NTN1: variants seen among roughly 807,000 people sequenced by gnomAD.
The protein encoded by NTN1 is netrin 1, also known as netrin-1.
A neutral mutation model predicts 54.2 loss-of-function variants in NTN1; 11 were observed. The ratio of observed to expected loss-of-function variants is 0.20; its 90% CI spans 0.13 to 0.34. The LOEUF (loss-of-function observed/expected upper bound fraction) is 0.34. Among genes scored for constraint, NTN1 ranks in the 10% least tolerant of loss-of-function variants. The pLI is 1.00. For synonymous variants in NTN1, 371 were observed against 382.0 expected (o/e 0.97, Z 0.33); for missense variants, 740 against 893.1 (o/e 0.83, Z 2.18).
rs1186504770 is a variant in NTN1 at position 9,125,971 on chromosome 17, G to A, written c.1019-36842G>A. 2.0e-5 allele frequency among the ~76,000 whole-genome samples: 3 copies of A among 152,346 alleles called. No homozygotes were observed. The East Asian group carries it at 5.8e-4, about 29-fold the overall frequency. On this transcript the variant is annotated intron_variant, in intron 2 of 6. Transcript: ENST00000173229. ...TTACAGATGAGAAACCTGAAGCTGAGGGAGCCTGAGGGACTTGTCAAAGGT... is the reference window on the plus strand; with the variant it reads ...TTACAGATGAGAAACCTGAAGCTGAAGGAGCCTGAGGGACTTGTCAAAGGT...
chr17:9,037,251 A>G (rs2091906339), intron 2 of NTN1, among the ~76,000 whole-genome samples: 1 of 152,106 alleles, frequency 6.6e-6, no homozygotes, highest in Non-Finnish European at 1.5e-5. Flanking sequence ...GCTCAGCCTT[A>G]TTTCCTTGTA....
At chr17:9,086,980 T>A (rs2142229275) in intron 2 of NTN1, among the ~76,000 whole-genome samples, 1 of 152,338 alleles carries the variant, frequency 6.6e-6, no homozygotes, top group East Asian at 1.9e-4. Context: ...CCACCTTCTG[T>A]GTGCCTGGCA....
rs376395289 is a variant in NTN1 at position 9,165,265 on chromosome 17, G to T, written c.1207+2264G>T. ...CCCTGGTCACCTCCACCTACACCCT[G>T]TTGCTGTGGACAGGGACAAGAGCCA... On this transcript the variant is annotated intron_variant, in intron 3 of 6. Coordinates refer to ENST00000173229, the MANE Select transcript of NTN1 (RefSeq NM_004822.3). This position sits in a 1 kb window ranked among gnomAD's most constrained non-coding sequence, Gnocchi z 4.5. Among the ~76,000 whole-genome samples the T allele has an allele frequency of 6.6e-6, 1 of 152,212 alleles. No individual in the cohort carries two copies. The highest frequency in any genetic ancestry group is 1.5e-5 in the Non-Finnish European group (1 of 68,040).
intron 2 of NTN1, among the ~76,000 whole-genome samples, chr17:9,082,221 G>A (rs2092073565): frequency 6.6e-6 from 1 of 152,046 alleles, no homozygotes; most frequent in African/African-American, 2.4e-5. Context: ...CACCACATCC[G>A]GCTAATTTTT....
At position 9,239,604 on chromosome 17, in the gene NTN1, C is replaced by T. The variant is rs2142379395; in HGVS notation, c.1487-36C>T. ...GGCAGGGCGGACCTAGCCACAGCAG[C>T]TGGGAGCCCACCCGTCTGCCTGTGC... On this transcript the variant is annotated intron_variant, in intron 6 of 6. Coordinates refer to ENST00000173229, the MANE Select transcript of NTN1 (RefSeq NM_004822.3). This position sits in a 1 kb window ranked among gnomAD's most constrained non-coding sequence, Gnocchi z 5.2. 5.0e-6 allele frequency: 8 copies of T among 1,589,712 alleles called. No individual in the cohort carries two copies. In the Middle Eastern group the frequency reaches 6.9e-4, roughly 138 times the overall value.
At chr17:9,044,272 C>T (rs1408076795) in intron 2 of NTN1, among the ~76,000 whole-genome samples, 7 of 151,060 alleles carry the variant, frequency 4.6e-5, no homozygotes, top group African/African-American at 1.7e-4. Flanking sequence ...TCTCACTCTG[C>T]GGCCCAGGCT....
intron 2 of NTN1, among the ~76,000 whole-genome samples, chr17:9,043,703 C>T (rs913011648): frequency 1.3e-5 from 2 of 152,050 alleles, no homozygotes; most frequent in African/African-American, 2.4e-5. Flanking sequence ...GCCTCAGCCT[C>T]CTGAGTAGCT....
chr17:9,179,703 T>TCCAGGG, intron 3 of NTN1, 104 bp from the exon 4 acceptor site: 1 of 1,406,152 alleles, frequency 7.1e-7, no homozygotes, highest in Admixed American at 2.3e-5. Flanking sequence ...CTGCTCTTCC[T>TCCAGGG]CCAGGGCAGG....
intron 2 of NTN1, among the ~76,000 whole-genome samples, chr17:9,075,462 C>A (rs2092046248): frequency 6.6e-6 from 1 of 152,100 alleles, no homozygotes. Context: ...AGCTGGGTGA[C>A]AGAGGGAGAC....
intron 2 of NTN1, among the ~76,000 whole-genome samples, chr17:9,033,121 T>G (rs1004201096): frequency 6.6e-6 from 1 of 151,946 alleles, no homozygotes; most frequent in African/African-American, 2.4e-5. Context: ...GCCCAGCTAG[T>G]TTTTATATTT....
At chr17:9,208,115 C>T (rs763505661) in intron 5 of NTN1, among the ~76,000 whole-genome samples, 14 of 152,146 alleles carry the variant, frequency 9.2e-5, no homozygotes, top group Non-Finnish European at 1.8e-4. Context: ...GCCTGTAATC[C>T]CAGCTACTCG....
At chr17:9,101,967 G>C (rs543188578) in intron 2 of NTN1, among the ~76,000 whole-genome samples, 4 of 152,342 alleles carry the variant, frequency 2.6e-5, no homozygotes, top group African/African-American at 7.2e-5. Flanking sequence ...CTGCACGCCA[G>C]CCTGGGCAAC....
In NTN1 at chr17:9,240,000, C is replaced by CGG; in HGVS notation, c.*33_*34insGG. The CGG allele has an allele frequency of 2.4e-6, 3 of 1,272,262 alleles. No homozygotes were observed. The highest frequency in any genetic ancestry group is 2.0e-6 in the Non-Finnish European group (2 of 994,016). The allele number at this position is 1,272,262 out of a possible 1,614,324, so 78.8% of individuals were successfully genotyped here. A position where few individuals can be genotyped will look rare whatever the true frequency, so the allele number is the denominator to read the frequency against. ...GGCAGCGGGCGGGCGGGCGGGCGGG[C>CGG]GCCAGGGCGGGGCCGAGCGAGAGCG... is the stretch of plus-strand genomic sequence containing the variant. On this transcript the variant is annotated 3_prime_UTR_variant, in exon 7 of 7. Transcript: ENST00000173229. This position sits in a 1 kb window ranked among gnomAD's most constrained non-coding sequence, Gnocchi z 5.2.
chr17:9,222,839 G>C (rs1905405519), intron 6 of NTN1, among the ~76,000 whole-genome samples: 1 of 152,160 alleles, frequency 6.6e-6, no homozygotes, highest in South Asian at 2.1e-4. Flanking sequence ...AGGCCCAAAG[G>C]TATCTAAAGG....
Position 9,022,541 on chromosome 17 carries a change from C to G in NTN1, c.168C>G (p.Val56=). The change falls in exon 2 of 7, where the codon GTC becomes GTG. Residue 56 remains valine, a synonymous_variant. Coordinates refer to ENST00000173229, the MANE Select transcript of NTN1 (RefSeq NM_004822.3). The stretch of plus-strand genomic sequence containing the variant: ...CGCGCCGCTGCATCCCGGACTTTGT[C>G]AATGCGGCCTTCGGCAAGGACGTGC... ...GHPRRCIPDF[V]NAAFGKDVRV... is the part of the protein sequence containing the mutation. The G allele has an allele frequency of 1.3e-6, 2 of 1,551,168 alleles. No homozygotes were observed. Among genetic ancestry groups the G allele is most frequent in the Non-Finnish European group, 1.7e-6 (2 of 1,150,696 alleles).
At chr17:9,186,105 G>A (rs1248929627) in intron 5 of NTN1, among the ~76,000 whole-genome samples, 4 of 152,172 alleles carry the variant, frequency 2.6e-5, no homozygotes, top group African/African-American at 9.7e-5. Flanking sequence ...CCTGTGGGCG[G>A]AGGTGCTGGT....
At chr17:9,061,218 G>C (rs565109353) in intron 2 of NTN1, among the ~76,000 whole-genome samples, 1 of 152,278 alleles carries the variant, frequency 6.6e-6, no homozygotes, top group South Asian at 2.1e-4. Flanking sequence ...GGAGGGCTCA[G>C]TTCCTTTCTA....
chr17:9,228,209 C>T (rs1191023801), intron 6 of NTN1, among the ~76,000 whole-genome samples: 1 of 152,122 alleles, frequency 6.6e-6, no homozygotes, highest in Non-Finnish European at 1.5e-5. Flanking sequence ...TTAGAGGGGG[C>T]AAGGGTGGGA....
intron 2 of NTN1, among the ~76,000 whole-genome samples, chr17:9,055,673 A>C (rs758540770): frequency 9.2e-5 from 14 of 152,158 alleles, no homozygotes; most frequent in Non-Finnish European, 1.8e-4. Flanking sequence ...AGAGGAAGGC[A>C]GGATGGATAC....
Sources: allele counts gnomAD v4.1 joint callset (sites outside exome capture counted in the v4.1 genomes callset), GRCh38; gene constraint gnomAD v4.1.1; non-coding constraint Gnocchi (gnomAD v3.1); transcripts MANE v1.5; gene names NCBI Gene and HGNC (gene_info 2026-07-23, HGNC 2026-07-21).